Variants in PLEKHA5 observed in about 807,000 individuals in gnomAD.
The protein encoded by PLEKHA5 is pleckstrin homology domain containing A5.
In PLEKHA5, 55 loss-of-function variants were observed where a neutral mutation model predicts 181.9. The observed-to-expected ratio is 0.30, with a 90% CI of 0.24 to 0.38. The LOEUF is 0.38. PLEKHA5 is among the 10% of genes least tolerant of loss of function. PLEKHA5 has a pLI of 1.00. For synonymous variants in PLEKHA5, 535 were observed against 529.4 expected (o/e 1.01, Z -0.15); for missense variants, 1,432 against 1,549.5 (o/e 0.92, Z 1.27).
At chr12:19,267,459 A>G (rs1215032690) in intron 8 of PLEKHA5, among the ~76,000 whole-genome samples, 1 of 151,768 alleles carries the variant, frequency 6.6e-6, no homozygotes, top group African/African-American at 2.4e-5. Context: ...CAGGAGTTTG[A>G]GACCAGCCTG....
At chr12:19,224,005 G>A (rs983848510) in intron 3 of PLEKHA5, among the ~76,000 whole-genome samples, 1 of 152,086 alleles carries the variant, frequency 6.6e-6, no homozygotes, top group African/African-American at 2.4e-5. Context: ...TTCTGATACA[G>A]AATTAGTTAG....
At chr12:19,142,113 A>G (rs1639605485) in intron 3 of PLEKHA5, among the ~76,000 whole-genome samples, 1 of 152,132 alleles carries the variant, frequency 6.6e-6, no homozygotes. Context: ...TAATCCCAAC[A>G]CTTTGGGAGG....
intron 3 of PLEKHA5, among the ~76,000 whole-genome samples, chr12:19,134,327 T>A (rs1241628677): frequency 2.6e-5 from 4 of 152,136 alleles, no homozygotes; most frequent in African/African-American, 4.8e-5. Context: ...TATAATAATT[T>A]TACTTTAAAG....
At chr12:19,169,902 A>G (rs1043675625) in intron 3 of PLEKHA5, among the ~76,000 whole-genome samples, 8 of 151,960 alleles carry the variant, frequency 5.3e-5, no homozygotes, top group African/African-American at 1.7e-4. Context: ...TGTTTCTGTC[A>G]TTTTCTTCTG....
intron 13 of PLEKHA5, among the ~76,000 whole-genome samples, chr12:19,288,756 A>G (rs1459764130): frequency 6.6e-6 from 1 of 152,230 alleles, no homozygotes; most frequent in East Asian, 1.9e-4. Flanking sequence ...GGCCTGACAA[A>G]TAGTCATTAA....
chr12:19,304,849 C>T (rs181669456), intron 15 of PLEKHA5, among the ~76,000 whole-genome samples: 1 of 152,006 alleles, frequency 6.6e-6, no homozygotes, highest in East Asian at 1.9e-4. Context: ...AATCCTACCA[C>T]TTTGGGAGGC....
intron 15 of PLEKHA5, among the ~76,000 whole-genome samples, chr12:19,302,906 A>ATTTTTTTTTTTTTTTTTTTT: frequency 1.9e-5 from 1 of 53,966 alleles, no homozygotes; most frequent in Non-Finnish European, 3.2e-5. Context: ...TCTGTATGAA[A>ATTTTTTTTTTTTTTTTTTTT]TTTTTTTTTT....
intron 3 of PLEKHA5, among the ~76,000 whole-genome samples, chr12:19,229,909 A>C (rs984473851): frequency 2.0e-5 from 3 of 152,148 alleles, no homozygotes; most frequent in Non-Finnish European, 4.4e-5. Flanking sequence ...TGATTGGTGC[A>C]TTTACAAACC....
chr12:19,267,858 G>T (rs1463429217), intron 8 of PLEKHA5, among the ~76,000 whole-genome samples: 1 of 151,556 alleles, frequency 6.6e-6, no homozygotes, highest in Admixed American at 6.6e-5. Context: ...AGCTACTTGG[G>T]CTGAGGCAGG....
chr12:19,146,518 C>G (rs1027409954), intron 3 of PLEKHA5, among the ~76,000 whole-genome samples: 2 of 152,094 alleles, frequency 1.3e-5, no homozygotes, highest in Non-Finnish European at 2.9e-5. Flanking sequence ...CCCTCAAGTA[C>G]GAACATTATA....
intron 15 of PLEKHA5, among the ~76,000 whole-genome samples, chr12:19,302,162 C>A (rs1478072260): frequency 1.3e-5 from 2 of 152,110 alleles, no homozygotes; most frequent in Non-Finnish European, 2.9e-5. Context: ...CTGAAAAAAT[C>A]TTTTCCGAAG....
chr12:19,322,640 G>A lies in PLEKHA5; in HGVS notation c.2421G>A (p.Thr807=), dbSNP rs767502622. Residue 807 remains threonine, a synonymous_variant, in exon 20 of 32, where the codon ACG becomes ACA. Transcript: ENST00000429027. ...ATTTACAAAATGGACTGCTTAGTAC[G>A]TGTCGAGAACTTTCTCGAGCCACTG... is the stretch of plus-strand genomic sequence containing the variant. ...RDDLQNGLLS[T]CRELSRATAE... The A allele has an allele frequency of 1.3e-5, 21 of 1,611,452 alleles. No homozygotes were observed. The highest frequency in any genetic ancestry group is 5.0e-5 in the Admixed American group (3 of 59,804).
intron 21 of PLEKHA5, among the ~76,000 whole-genome samples, chr12:19,342,500 T>TA (rs1328321492): frequency 1.3e-5 from 2 of 152,018 alleles, no homozygotes; most frequent in Admixed American, 1.3e-4. Flanking sequence ...CTACTAAAAA[T>TA]ACAAAATTAG....
chr12:19,232,516 T>C (rs2060785451), intron 3 of PLEKHA5, among the ~76,000 whole-genome samples: 1 of 152,166 alleles, frequency 6.6e-6, no homozygotes, highest in East Asian at 1.9e-4. Context: ...TAACTCGTCA[T>C]TGATAACTTG....
chr12:19,145,158 CAT>C (rs758505116), intron 3 of PLEKHA5, among the ~76,000 whole-genome samples: 1 of 152,006 alleles, frequency 6.6e-6, no homozygotes, highest in African/African-American at 2.4e-5. Flanking sequence ...AGATATCTCA[CAT>C]ATGTGTTTGT....
chr12:19,323,257 T>C (rs1448242144), intron 20 of PLEKHA5, among the ~76,000 whole-genome samples: 2 of 152,048 alleles, frequency 1.3e-5, no homozygotes, highest in African/African-American at 4.8e-5. Context: ...ATGTGGTGGC[T>C]CACTCCTGTA....
At chr12:19,215,579 A>C (rs1171747689) in intron 3 of PLEKHA5, among the ~76,000 whole-genome samples, 1 of 152,184 alleles carries the variant, frequency 6.6e-6, no homozygotes, top group African/African-American at 2.4e-5. Context: ...GAAATCATAT[A>C]ATCATATTCT....
intron 15 of PLEKHA5, among the ~76,000 whole-genome samples, chr12:19,301,509 C>A (rs981477766): frequency 1.3e-5 from 2 of 151,128 alleles, no homozygotes; most frequent in African/African-American, 4.9e-5. Context: ...AAAAAAAAAT[C>A]AGATCTGTAA....
intron 3 of PLEKHA5, among the ~76,000 whole-genome samples, chr12:19,210,045 C>G (rs1375864825): frequency 6.6e-6 from 1 of 152,124 alleles, no homozygotes; most frequent in African/African-American, 2.4e-5. Flanking sequence ...TTAAAAAAAT[C>G]TTTAACGGAT....
Sources: allele counts gnomAD v4.1 joint callset (sites outside exome capture counted in the v4.1 genomes callset), GRCh38; gene constraint gnomAD v4.1.1; transcripts MANE v1.5; gene names NCBI Gene and HGNC (gene_info 2026-07-23, HGNC 2026-07-21).